RAF1: variants seen among roughly 807,000 people sequenced by gnomAD.
RAF1 encodes the protein Raf-1 proto-oncogene, serine/threonine kinase.
A neutral mutation model predicts 81.1 loss-of-function variants in RAF1; 27 were observed. The observed-to-expected ratio is 0.33, with a 90% CI of 0.25 to 0.46. RAF1 has a LOEUF of 0.46. RAF1 is among the 20% of genes least tolerant of loss of function. RAF1 has a pLI of 1.00. For synonymous variants in RAF1, 298 were observed against 294.0 expected (o/e 1.01, Z -0.14); for missense variants, 598 against 826.0 (o/e 0.72, Z 3.38).
chr3:12,612,795 G>A (rs980880395), intron 2 of RAF1, among the ~76,000 whole-genome samples: 12 of 152,140 alleles, frequency 7.9e-5, no homozygotes, highest in East Asian at 3.9e-4. Context: ...TCCTTTATAC[G>A]TCTCTAATTT....
chr3:12,612,200 C>A, intron 2 of RAF1, 138 bp from the exon 3 acceptor site: 1 of 708,200 alleles, frequency 1.4e-6, no homozygotes, highest in South Asian at 1.5e-5. Flanking sequence ...ACCTGAATGT[C>A]CAGCAATAGG....
chr3:12,621,425 C>T (rs1215531440), intron 1 of RAF1, among the ~76,000 whole-genome samples: 1 of 152,130 alleles, frequency 6.6e-6, no homozygotes, highest in Non-Finnish European at 1.5e-5. Flanking sequence ...ACATCACATG[C>T]CCAAATCAAG....
At chr3:12,586,635 G>C (rs1253653708) in intron 14 of RAF1, among the ~76,000 whole-genome samples, 1 of 152,162 alleles carries the variant, frequency 6.6e-6, no homozygotes, top group African/African-American at 2.4e-5. Context: ...CACTGCTCAA[G>C]AGGCAAAACG....
At chr3:12,638,890 T>C (rs913338649) in intron 1 of RAF1, among the ~76,000 whole-genome samples, 1 of 152,192 alleles carries the variant, frequency 6.6e-6, no homozygotes, top group African/African-American at 2.4e-5. Context: ...TAAAAATGTG[T>C]TTTTAAACAT....
chr3:12,657,048 T>C (rs1396440977), intron 1 of RAF1, among the ~76,000 whole-genome samples: 1 of 151,372 alleles, frequency 6.6e-6, no homozygotes, highest in African/African-American at 2.4e-5. Context: ...AATGTCAGCC[T>C]CTCTCAATTA....
At position 12,591,669 on chromosome 3, in the gene RAF1, A is replaced by G. The variant is rs2290161; in HGVS notation, c.1253+39T>C. On this transcript the variant is annotated intron_variant, in intron 12 of 17. Transcript: ENST00000442415. ...CTACAGTCCTTGTACTCCCCACTCC[A>G]GCACTCCAGAGGGACTGGACCGCCA... 21,298 of 1,557,200 alleles carry G rather than the reference A, an allele frequency of 0.014. 213 individuals carry two copies. Among genetic ancestry groups the G allele is most frequent in the Admixed American group, 0.04 (2,411 of 59,924 alleles).
At chr3:12,656,023 T>C (rs1028663554) in intron 1 of RAF1, among the ~76,000 whole-genome samples, 2 of 150,942 alleles carry the variant, frequency 1.3e-5, no homozygotes, top group Admixed American at 6.7e-5. Context: ...ATTGTGAATG[T>C]TGTTAAATGT....
intron 2 of RAF1, among the ~76,000 whole-genome samples, chr3:12,617,345 C>T (rs944735580): frequency 3.3e-5 from 5 of 151,926 alleles, no homozygotes; most frequent in Non-Finnish European, 5.9e-5. Context: ...GAACTCCTGA[C>T]CTCAAGTAAT....
intron 1 of RAF1, among the ~76,000 whole-genome samples, chr3:12,647,093 G>A (rs1366926728): frequency 4.7e-5 from 7 of 147,696 alleles, no homozygotes; most frequent in Admixed American, 1.4e-4. Flanking sequence ...TCAGGAGATC[G>A]AGACCATCCT....
chr3:12,583,833 TG>T lies in RAF1; in HGVS notation c.*680del, dbSNP rs886930222. 8.5e-6 allele frequency: 2 copies of T among 234,264 alleles called. No individual in the cohort carries two copies. Among genetic ancestry groups the T allele is most frequent in the African/African-American group, 4.4e-5 (2 of 45,360 alleles). 14.5% of individuals were successfully genotyped at this position (234,264 alleles called of 1,614,324 possible). A position where few individuals can be genotyped will look rare whatever the true frequency, so the allele number is the denominator to read the frequency against. ...GGCCCCGCCCCATAGGGGCAGCTCCTGGAAGACAAAATTCAGCATGATGGAA... is the reference window on the plus strand; with the variant it reads ...GGCCCCGCCCCATAGGGGCAGCTCCTGAAGACAAAATTCAGCATGATGGAA... On this transcript the variant is annotated 3_prime_UTR_variant, in exon 18 of 18. Coordinates refer to ENST00000442415, the MANE Select transcript of RAF1 (RefSeq NM_001354689.3).
chr3:12,642,864 G>T (rs1575652701), intron 1 of RAF1, among the ~76,000 whole-genome samples: 2 of 151,226 alleles, frequency 1.3e-5, no homozygotes, highest in Non-Finnish European at 2.9e-5. Flanking sequence ...TCCAGCCTGG[G>T]TGATACAGCA....
chr3:12,641,977 C>A (rs1392566399), intron 1 of RAF1, among the ~76,000 whole-genome samples: 3 of 151,716 alleles, frequency 2.0e-5, no homozygotes, highest in Non-Finnish European at 4.4e-5. Context: ...GAAACCCTGT[C>A]TCTACTAAAA....
chr3:12,648,673 G>A lies in RAF1; in HGVS notation c.-27+15140C>T, dbSNP rs143022681. Among the ~76,000 whole-genome samples, 62 of 152,106 alleles carry A rather than the reference G, an allele frequency of 4.1e-4. 1 individual carries two copies. Among genetic ancestry groups the A allele is most frequent in the African/African-American group, 1.5e-3 (62 of 41,496 alleles). ...AGGCACGAGAATCATGTGAACCCAG[G>A]AAGCAGAGGTGGCTGTGAGCCGAGA... On this transcript the variant is annotated intron_variant, in intron 1 of 17. Transcript: ENST00000442415.
rs5746216 is a variant in RAF1 at position 12,600,941 on chromosome 3, T to C, written c.895-526A>G. Among the ~76,000 whole-genome samples, 1,091 of 152,334 alleles carry C rather than the reference T, an allele frequency of 7.2e-3. 6 individuals carry two copies. Among genetic ancestry groups the C allele is most frequent in the African/African-American group, 0.025 (1,022 of 41,580 alleles). ...CAATGTACACAACAAACATACTCTT[T>C]CAAGGGAAGCTAGCAAAGTTACTCT... On this transcript the variant is annotated intron_variant, in intron 8 of 17. Transcript: ENST00000442415.
intron 1 of RAF1, among the ~76,000 whole-genome samples, chr3:12,644,480 G>A (rs2125542742): frequency 6.6e-6 from 1 of 152,286 alleles, no homozygotes. Flanking sequence ...AAGCTTCTCA[G>A]GAGTTAAGTG....
At position 12,608,755 on chromosome 3, in the gene RAF1, C is replaced by A; in HGVS notation, c.581+11G>T. 1 of 1,613,294 alleles carries A rather than the reference C, an allele frequency of 6.2e-7. No homozygotes were observed. Among genetic ancestry groups the A allele is most frequent in the Non-Finnish European group, 8.5e-7 (1 of 1,179,240 alleles). On this transcript the variant is annotated intron_variant, in intron 5 of 17. Transcript: ENST00000442415. ...TCCCTATCTTCCTTGGATAAAAGAACAATGCCTTACAAGAGTTGTCTGATG... is the reference window on the plus strand; with the variant it reads ...TCCCTATCTTCCTTGGATAAAAGAAAAATGCCTTACAAGAGTTGTCTGATG...
intron 6 of RAF1, 108 bp from the exon 7 acceptor site, chr3:12,604,397 G>C: frequency 8.7e-7 from 1 of 1,154,694 alleles, no homozygotes; most frequent in East Asian, 2.6e-5. Flanking sequence ...AACTCTACCT[G>C]TACAACCTTT....
chr3:12,592,235 A>T (rs557175911), intron 11 of RAF1, among the ~76,000 whole-genome samples: 2 of 152,216 alleles, frequency 1.3e-5, no homozygotes, highest in African/African-American at 4.8e-5. Context: ...CAGTGCATAC[A>T]TATGAATGGC....
rs1315751104 is a variant in RAF1, at chr3:12,585,700, G to A, written c.1577C>T (p.Thr526Ile). 4 of 1,613,828 alleles carry A rather than the reference G, an allele frequency of 2.5e-6. No homozygotes were observed. Among genetic ancestry groups the A allele is most frequent in the Admixed American group, 1.7e-5 (1 of 60,026 alleles). ...TCTCACCATCCAGAGGACAGAGCCA[G>A]TAGGTTGTTCAACCTGCTGAGAACC... The change falls in exon 15 of 18, where the codon ACT (threonine) becomes ATT (isoleucine). Residue 526 changes from threonine (T) to isoleucine (I), a missense_variant. Around this residue, in one of 5 missense-constraint regions of RAF1, gnomAD observed 147 missense variants for 196.1 expected, o/e 0.75. Transcript: ENST00000442415.
Sources: gnomAD v4.1 joint callset for allele counts (sites outside exome capture counted in the v4.1 genomes callset) on GRCh38, gnomAD v4.1.1 for gene constraint, gnomAD v4.1.1 regional missense constraint, MANE v1.5 for transcripts, NCBI Gene and HGNC (gene_info 2026-07-23, HGNC 2026-07-21) for gene names.